Variants in ZDBF2 observed in about 807,000 individuals in gnomAD.
ZDBF2 encodes DBF4-type zinc finger-containing protein 2.
Under a neutral mutation model 9.4 loss-of-function variants are expected in ZDBF2, and 6 were observed. The observed-to-expected ratio is 0.64, with a 90% CI of 0.35 to 1.27. ZDBF2 has a LOEUF of 1.27. Among genes scored for constraint, ZDBF2 ranks in the 50% most tolerant of loss-of-function variants. The pLI, the probability that ZDBF2 is intolerant of heterozygous loss-of-function variation, is 0.03. For missense variants in ZDBF2, 2,697 were observed against 2,766.8 expected, an observed-to-expected ratio of 0.97 and a Z score of 0.57; for synonymous variants, 905 against 946.3, an observed-to-expected ratio of 0.96 and a Z score of 0.80.
chr2:206,304,616 A>G, intron 4 of ZDBF2, 101 bp from the exon 5 acceptor site: 1 of 1,388,500 alleles, frequency 7.2e-7, no homozygotes, highest in South Asian at 1.5e-5. Context: ...TCCTTTAAGG[A>G]TAGTCCAGAA....
chr2:206,310,951 A>G lies in ZDBF2; in HGVS notation c.6423A>G (p.Pro2141=), dbSNP rs758757822. Residue 2141 remains proline, a synonymous_variant, in exon 5 of 5, where the codon CCA becomes CCG. Transcript: ENST00000374423. ...AGGTTCTGCATGCTCGTGAGCTTCC[A>G]AAGAAAAGAAATTTCCAGCTAACAT... ...ESKVLHAREL[P]KKRNFQLTFL... 3 of 1,613,514 alleles carry G rather than the reference A, an allele frequency of 1.9e-6. No homozygotes were observed. The highest frequency in any genetic ancestry group is 1.7e-5 in the Admixed American group (1 of 59,976).
intron 3 of ZDBF2, among the ~76,000 whole-genome samples, chr2:206,283,589 T>C (rs1691442708): frequency 6.6e-6 from 1 of 152,154 alleles, no homozygotes; most frequent in South Asian, 2.1e-4. Context: ...TAGAAGTCTT[T>C]ATATATTTTG....
chr2:206,278,727 T>C (rs1691155533), intron 1 of ZDBF2, among the ~76,000 whole-genome samples: 1 of 152,236 alleles, frequency 6.6e-6, no homozygotes, highest in African/African-American at 2.4e-5. Flanking sequence ...TTTTCCAGTA[T>C]CTGGTTAAAA....
At chr2:206,289,791 G>A (rs1691795414) in intron 3 of ZDBF2, among the ~76,000 whole-genome samples, 1 of 152,186 alleles carries the variant, frequency 6.6e-6, no homozygotes. Context: ...GTCTGTAGGT[G>A]TCCAAGGTGT....
At chr2:206,289,177 A>G (rs764970074) in intron 3 of ZDBF2, among the ~76,000 whole-genome samples, 1 of 151,850 alleles carries the variant, frequency 6.6e-6, no homozygotes, top group African/African-American at 2.4e-5. Flanking sequence ...CCAGGACACT[A>G]TTTCCCCAGG....
Position 206,306,045 on chromosome 2 carries a change from G to A in ZDBF2, c.1517G>A (p.Ser506Asn). 1 of 1,613,728 alleles carries A rather than the reference G, an allele frequency of 6.2e-7. No homozygotes were observed. The change falls in exon 5 of 5, where the codon AGT becomes AAT. Residue 506 changes from serine (S) to asparagine (N), a missense_variant. Around this residue, in one of 3 missense-constraint regions of ZDBF2, gnomAD observed 910 missense variants for 973.6 expected, o/e 0.93. Transcript: ENST00000374423. Reference sequence around the variant, plus strand: ...TGTGATGCTTCACCTCAGTCCACTAGTGACTACCCCCAACAATCTGTAACA... The same window carrying A: ...TGTGATGCTTCACCTCAGTCCACTAATGACTACCCCCAACAATCTGTAACA... ...FDCDASPQST[S>N]DYPQQSVTEV...
chr2:206,309,182 C>T lies in ZDBF2; in HGVS notation c.4654C>T (p.Pro1552Ser), dbSNP rs1300585303. 6.2e-7 allele frequency: 1 copy of T among 1,609,684 alleles called. No individual in the cohort carries two copies. Among genetic ancestry groups the T allele is most frequent in the South Asian group, 1.1e-5 (1 of 90,416 alleles). ...TATTCCCCTTCAGTTAGTGACTGAC[C>T]CACCTCAGTTGACTGTCAAAGATAT... is the stretch of plus-strand genomic sequence containing the variant. The part of the protein sequence containing the change: ...DDIPLQLVTD[P>S]PQLTVKDISC... Residue 1552 changes from proline to serine, a missense_variant, in exon 5 of 5, where the codon CCA becomes TCA. Pro to Ser is a moderately conservative substitution (Grantham distance 74). Transcript: ENST00000374423.
Position 206,309,336 on chromosome 2 carries a change from TAATA to T in ZDBF2, c.4811_4814del (p.Ile1604ThrfsTer21). ...AACCAATGCAAAGAGACTTTCAAAA[TAATA>T]AACCGGAAGAAGGACTATATTATTC... On this transcript the variant is annotated frameshift_variant, in exon 5 of 5. Transcript: ENST00000374423. LOFTEE classifies it low-confidence loss of function (END_TRUNC). The T allele has an allele frequency of 1.2e-6, 2 of 1,612,896 alleles. No homozygotes were observed. Among genetic ancestry groups the T allele is most frequent in the Non-Finnish European group, 8.5e-7 (1 of 1,179,500 alleles).
At position 206,306,830 on chromosome 2, in the gene ZDBF2, G is replaced by A; in HGVS notation, c.2302G>A (p.Asp768Asn). Residue 768 changes from aspartate (D) to asparagine (N), a missense_variant, in exon 5 of 5, where the codon GAT becomes AAT. Transcript: ENST00000374423. Reference sequence around the variant, plus strand: ...GTCAGTTACTGAGCAGTCTCATCTGGATGCTGAAGGAAAAGAACGGCACAT... The same window carrying A: ...GTCAGTTACTGAGCAGTCTCATCTGAATGCTGAAGGAAAAGAACGGCACAT... ...LLSVTEQSHL[D>N]AEGKERHIDL... The A allele has an allele frequency of 6.2e-7, 1 of 1,613,844 alleles. No homozygotes were observed.
chr2:206,302,279 G>A (rs927445012), intron 4 of ZDBF2, among the ~76,000 whole-genome samples: 1 of 151,890 alleles, frequency 6.6e-6, no homozygotes, highest in Non-Finnish European at 1.5e-5. Context: ...CAAAGTGGGG[G>A]GATTACAGGC....
At chr2:206,302,041 A>T (rs1424257905) in intron 4 of ZDBF2, among the ~76,000 whole-genome samples, 1 of 150,500 alleles carries the variant, frequency 6.6e-6, no homozygotes, top group African/African-American at 2.4e-5. Context: ...TGTAGGTCTC[A>T]CTCTGTGGCC....
In ZDBF2 at chr2:206,312,403, T is replaced by G. The variant is rs1280362517; in HGVS notation, c.*810T>G. 1.3e-5 allele frequency: 2 copies of G among 152,104 alleles called. No homozygotes were observed. Among genetic ancestry groups the G allele is most frequent in the Non-Finnish European group, 2.9e-5 (2 of 68,042 alleles). The allele number at this position is 152,104 out of a possible 1,614,324, so 9.4% of individuals were successfully genotyped here. Reference sequence around the variant, plus strand: ...TAGGCATTACCATATCAGTTTTTATTTTTATGTTTATTTATTATTATTATT... The same window carrying G: ...TAGGCATTACCATATCAGTTTTTATGTTTATGTTTATTTATTATTATTATT... On this transcript the variant is annotated 3_prime_UTR_variant, in exon 5 of 5. Transcript: ENST00000374423.
chr2:206,295,539 A>AT (rs1213304918), intron 3 of ZDBF2, among the ~76,000 whole-genome samples: 3 of 150,714 alleles, frequency 2.0e-5, no homozygotes, highest in East Asian at 1.9e-4. Context: ...GGTAATTTTT[A>AT]TTTTTTTATT....
Position 206,311,570 on chromosome 2 carries a change from C to A in ZDBF2, c.7042C>A (p.Leu2348Met), listed in dbSNP as rs753585261. ...ERMMTRLANK[L>M]RGNEVK ...AATGATGACTCGGCTAGCAAACAAA[C>A]TGAGAGGTAATGAGGTAAAATAGAA... The change falls in exon 5 of 5, where the codon CTG (leucine) becomes ATG (methionine). Residue 2348 changes from leucine (L) to methionine (M), a missense_variant. By Grantham distance (15) the Leu-to-Met change is conservative. Around this residue, in one of 3 missense-constraint regions of ZDBF2, gnomAD observed 1,783 missense variants for 1,776.5 expected, o/e 1.00. Coordinates refer to ENST00000374423, the MANE Select transcript of ZDBF2 (RefSeq NM_020923.3). The A allele has an allele frequency of 4.6e-6, 7 of 1,517,812 alleles. No individual in the cohort carries two copies. The South Asian group carries it at 8.1e-5, about 18-fold the overall frequency. The allele number at this position is 1,517,812 out of a possible 1,614,324, so 94.0% of individuals were successfully genotyped here. A position where few individuals can be genotyped will look rare whatever the true frequency, so the allele number is the denominator to read the frequency against.
At position 206,307,718 on chromosome 2, in the gene ZDBF2, A is replaced by G. The variant is rs1402618541; in HGVS notation, c.3190A>G (p.Lys1064Glu). The change falls in exon 5 of 5, where the codon AAA (lysine) becomes GAA (glutamate). Residue 1064 changes from lysine to glutamate, a missense_variant. Around this residue, in one of 3 missense-constraint regions of ZDBF2, gnomAD observed 1,783 missense variants for 1,776.5 expected, o/e 1.00. Coordinates refer to ENST00000374423, the MANE Select transcript of ZDBF2 (RefSeq NM_020923.3). ...DQPQLAFLKE[K>E]HVNLKDKNSK... ...ACCTCAACTAGCTTTTTTGAAGGAA[A>G]AACATGTTAATCTGAAGGACAAAAA... 3.1e-6 allele frequency: 5 copies of G among 1,613,372 alleles called. No individual in the cohort carries two copies. The highest frequency in any genetic ancestry group is 1.6e-4 in the Middle Eastern group (1 of 6,084).
Position 206,308,414 on chromosome 2 carries a change from G to A in ZDBF2, c.3886G>A (p.Val1296Ile), listed in dbSNP as rs190838042. 7.0e-5 allele frequency: 113 copies of A among 1,613,038 alleles called. No individual in the cohort carries two copies. The highest frequency in any genetic ancestry group is 3.0e-4 in the Admixed American group (18 of 59,850). Reference protein sequence around the residue: ...NFDSHEPLQSVTNKIPGANKE... With the variant: ...NFDSHEPLQSITNKIPGANKE... ...TGATTCTCATGAACCCCTTCAGTCC[G>A]TAACTAATAAAATTCCAGGGGCGAA... is the stretch of plus-strand genomic sequence containing the variant. The change falls in exon 5 of 5, where the codon GTA (valine) becomes ATA (isoleucine). Residue 1296 changes from valine to isoleucine, a missense_variant. Transcript: ENST00000374423.
At position 206,308,446 on chromosome 2, in the gene ZDBF2, A is replaced by C. The variant is rs1288979134; in HGVS notation, c.3918A>C (p.Glu1306Asp). 2 of 1,613,454 alleles carry C rather than the reference A, an allele frequency of 1.2e-6. No individual in the cohort carries two copies. Among genetic ancestry groups the C allele is most frequent in the East Asian group, 2.2e-5 (1 of 44,884 alleles). The change falls in exon 5 of 5, where the codon GAA becomes GAC. Residue 1306 changes from glutamate (E) to aspartate (D), a missense_variant. By Grantham distance (45) the Glu-to-Asp change is conservative. Coordinates refer to ENST00000374423, the MANE Select transcript of ZDBF2 (RefSeq NM_020923.3). The part of the protein sequence containing the change: ...VTNKIPGANK[E>D]INLLREEHVC... Reference sequence around the variant, plus strand: ...ATAAAATTCCAGGGGCGAATAAAGAAATAAATCTTTTGAGGGAGGAACATG... The same window carrying C: ...ATAAAATTCCAGGGGCGAATAAAGACATAAATCTTTTGAGGGAGGAACATG...
intron 3 of ZDBF2, among the ~76,000 whole-genome samples, chr2:206,288,252 T>C (rs1691699169): frequency 6.6e-6 from 1 of 152,230 alleles, no homozygotes; most frequent in Admixed American, 6.5e-5. Context: ...GCTTTAATGT[T>C]CTAGTTGGGA....
chr2:206,295,530 G>A (rs1692127122), intron 3 of ZDBF2, among the ~76,000 whole-genome samples: 1 of 151,632 alleles, frequency 6.6e-6, no homozygotes, highest in Non-Finnish European at 1.5e-5. Context: ...CCATGCCTGG[G>A]TAATTTTTAT....
Sources: gnomAD v4.1 joint callset for allele counts (sites outside exome capture counted in the v4.1 genomes callset) on GRCh38, gnomAD v4.1.1 for gene constraint, gnomAD v4.1.1 regional missense constraint, MANE v1.5 for transcripts, NCBI Gene and HGNC (gene_info 2026-07-23, HGNC 2026-07-21) for gene names.